The following MACROD2 variants were observed in gnomAD, a reference collection of about 807,000 sequenced individuals.
MACROD2 encodes mono-ADP ribosylhydrolase 2.
In MACROD2, 36 loss-of-function variants were observed where a neutral mutation model predicts 70.4. The observed-to-expected ratio is 0.51, with a 90% CI of 0.39 to 0.68. The LOEUF (loss-of-function observed/expected upper bound fraction) is 0.68. Among genes scored for constraint, MACROD2 ranks in the 30% least tolerant of loss-of-function variants. MACROD2 has a pLI of 0.00. For missense variants in MACROD2, 496 were observed against 538.4 expected, an observed-to-expected ratio of 0.92 and a Z score of 0.78; for synonymous variants, 172 against 178.8, an observed-to-expected ratio of 0.96 and a Z score of 0.30.
intron 2 of MACROD2, among the ~76,000 whole-genome samples, chr20:14,077,738 A>G (rs2053931543): frequency 6.6e-6 from 1 of 152,198 alleles, no homozygotes; most frequent in Admixed American, 6.5e-5. Context: ...CAAGCTGGCT[A>G]TGATTAAATT....
chr20:15,190,244 T>C (rs1362519362), intron 5 of MACROD2, among the ~76,000 whole-genome samples: 3 of 152,172 alleles, frequency 2.0e-5, no homozygotes, highest in African/African-American at 7.2e-5. Flanking sequence ...TGGCATCTTA[T>C]GGTGCAAGCT....
intron 17 of MACROD2, among the ~76,000 whole-genome samples, chr20:16,047,566 G>A (rs971802945): frequency 6.6e-6 from 1 of 152,112 alleles, no homozygotes; most frequent in Non-Finnish European, 1.5e-5. Context: ...CTCGTTGCCT[G>A]GAATCCAGAC....
At chr20:15,130,216 A>G (rs935658195) in intron 5 of MACROD2, among the ~76,000 whole-genome samples, 1 of 152,024 alleles carries the variant, frequency 6.6e-6, no homozygotes, top group Non-Finnish European at 1.5e-5. Context: ...GGTATGAACA[A>G]TATAAAATTA....
chr20:15,545,581 G>A (rs145039592), intron 8 of MACROD2, among the ~76,000 whole-genome samples: 10 of 152,000 alleles, frequency 6.6e-5, no homozygotes, highest in African/African-American at 2.4e-4. Context: ...TTTTCTTTTT[G>A]TCTTCTCTTT....
chr20:15,287,065 G>A (rs2077498880), intron 6 of MACROD2, among the ~76,000 whole-genome samples: 1 of 152,168 alleles, frequency 6.6e-6, no homozygotes, highest in South Asian at 2.1e-4. Context: ...GAAATGTGAA[G>A]CAGTTCTCTT....
intron 5 of MACROD2, among the ~76,000 whole-genome samples, chr20:15,143,341 C>G (rs1392048527): frequency 6.6e-6 from 1 of 152,086 alleles, no homozygotes; most frequent in African/African-American, 2.4e-5. Context: ...ATCCTTTGCC[C>G]AAGTTTTGAT....
chr20:15,229,966 G>A lies in MACROD2; in HGVS notation c.445G>A (p.Ala149Thr). Residue 149 changes from alanine to threonine, a missense_variant, in exon 6 of 18, where the codon GCC (alanine) becomes ACC (threonine). By Grantham distance (58) the Ala-to-Thr change is moderately conservative. Coordinates refer to ENST00000684519, the MANE Select transcript of MACROD2 (RefSeq NM_001351661.2). ...TGTCATCCATACTGTAGGGCCAATA[G>A]CCAGGGGCCATATTAATGGTTCCCA... ...KYVIHTVGPIARGHINGSHKE... is the reference protein window; with the variant it reads ...KYVIHTVGPITRGHINGSHKE... 1 of 1,613,724 alleles carries A rather than the reference G, an allele frequency of 6.2e-7. No individual in the cohort carries two copies. The highest frequency in any genetic ancestry group is 8.5e-7 in the Non-Finnish European group (1 of 1,179,796).
At chr20:14,002,229 A>C (rs1381509167) in intron 1 of MACROD2, 59 bp from the exon 2 acceptor site, 3 of 1,159,372 alleles carry the variant, frequency 2.6e-6, no homozygotes, top group Non-Finnish European at 3.7e-6. Flanking sequence ...TAAAGTATAA[A>C]AATAATTCCC....
intron 5 of MACROD2, among the ~76,000 whole-genome samples, chr20:15,006,500 C>CA (rs1008307333): frequency 1.3e-5 from 2 of 151,556 alleles, no homozygotes; most frequent in Admixed American, 6.6e-5. Flanking sequence ...ATTCCCACCA[C>CA]AAAAAAAGGT....
chr20:15,841,979 T>G (rs1039244513), intron 8 of MACROD2, among the ~76,000 whole-genome samples: 4 of 151,934 alleles, frequency 2.6e-5, no homozygotes. Flanking sequence ...AGGGAAGAGA[T>G]GAACAGGAAT....
At chr20:14,161,943 C>T (rs963764329) in intron 3 of MACROD2, among the ~76,000 whole-genome samples, 9 of 152,190 alleles carry the variant, frequency 5.9e-5, no homozygotes, top group African/African-American at 1.7e-4. Context: ...GATACTGCTG[C>T]AATAAACATG....
intron 5 of MACROD2, among the ~76,000 whole-genome samples, chr20:14,786,978 GC>G (rs1427486434): frequency 6.6e-6 from 1 of 152,000 alleles, no homozygotes; most frequent in East Asian, 1.9e-4. Context: ...ATGATCATAG[GC>G]AATTTCTAAG....
intron 13 of MACROD2, among the ~76,000 whole-genome samples, chr20:15,979,926 C>A (rs1342131018): frequency 6.6e-6 from 1 of 152,160 alleles, no homozygotes. Flanking sequence ...GAAGGAAGGG[C>A]TTTATTCAGC....
chr20:14,523,764 A>T (rs906861754), intron 4 of MACROD2, among the ~76,000 whole-genome samples: 1 of 152,168 alleles, frequency 6.6e-6, no homozygotes, highest in Non-Finnish European at 1.5e-5. Flanking sequence ...TTTTCTGGGT[A>T]CCCCCAAATT....
intron 3 of MACROD2, among the ~76,000 whole-genome samples, chr20:14,091,538 G>A (rs6042524): frequency 6.6e-6 from 1 of 152,000 alleles, no homozygotes; most frequent in African/African-American, 2.4e-5. Context: ...GTGTTAATTA[G>A]CTTGGTTTAA....
intron 5 of MACROD2, among the ~76,000 whole-genome samples, chr20:15,089,619 T>C (rs943390875): frequency 2.6e-5 from 4 of 152,114 alleles, no homozygotes; most frequent in African/African-American, 9.7e-5. Flanking sequence ...TTTGCTTCCC[T>C]CCCTCCTACA....
At chr20:15,054,411 C>T (rs2075466749) in intron 5 of MACROD2, among the ~76,000 whole-genome samples, 2 of 152,134 alleles carry the variant, frequency 1.3e-5, no homozygotes, top group Admixed American at 1.3e-4. Flanking sequence ...CAGCAGCCAT[C>T]ACCATAGAGG....
At position 14,541,865 on chromosome 20, in the gene MACROD2, G is replaced by A. The variant is rs534543697; in HGVS notation, c.301+48357G>A. Among the ~76,000 whole-genome samples the A allele has an allele frequency of 3.3e-5, 5 of 152,246 alleles. No homozygotes were observed. In the South Asian group the frequency reaches 8.3e-4, roughly 25 times the overall value. On this transcript the variant is annotated intron_variant, in intron 4 of 17. Transcript: ENST00000684519. ...GATTAATAGATCCTTTAAATAATAT[G>A]ATTCTAAGACTCATCTGTTCTGATC...
rs369015732 is a variant in MACROD2 at position 14,147,732 on chromosome 20, G to A, written c.271+62004G>A. 4.1e-4 allele frequency among the ~76,000 whole-genome samples: 63 copies of A among 152,210 alleles called. 1 individual carries two copies. In the East Asian group the frequency reaches 7.7e-3, roughly 19 times the overall value. ...GTGCATGGACAGACTTTCCATGCTC[G>A]AGACTTCCATTTAGTAAAAATTCAG... On this transcript the variant is annotated intron_variant, in intron 3 of 17. Transcript: ENST00000684519.
Sources: allele counts gnomAD v4.1 joint callset (sites outside exome capture counted in the v4.1 genomes callset), GRCh38; gene constraint gnomAD v4.1.1; transcripts MANE v1.5; gene names NCBI Gene and HGNC (gene_info 2026-07-23, HGNC 2026-07-21).